The following ARHGEF10L variants were observed in gnomAD, a reference collection of about 807,000 sequenced individuals.
ARHGEF10L encodes the protein rho guanine nucleotide exchange factor 10-like protein.
In ARHGEF10L, 69 loss-of-function variants were observed where a neutral mutation model predicts 141.2. The observed-to-expected ratio is 0.49, with a 90% CI of 0.40 to 0.60. The LOEUF (loss-of-function observed/expected upper bound fraction) is 0.60. Among genes scored for constraint, ARHGEF10L ranks in the 20% least tolerant of loss-of-function variants. ARHGEF10L has a pLI of 0.00. For missense variants in ARHGEF10L, 1,482 were observed against 1,734.3 expected, an observed-to-expected ratio of 0.85 and a Z score of 2.58; for synonymous variants, 711 against 718.5, an observed-to-expected ratio of 0.99 and a Z score of 0.17.
At chr1:17,525,304 G>A in the ARHGEF10L span, among the ~76,000 whole-genome samples, 6 of 152,182 alleles carry the variant, frequency 3.9e-5, no homozygotes, top group African/African-American at 1.4e-4. Context: ...ATAAGCATCC[G>A]TTCTATCTGA....
chr1:17,603,129 C>T lies in ARHGEF10L; in HGVS notation c.350-379C>T, dbSNP rs1255510609. ...TGGTTTTCCAAGTCCTAGCACTGCTCAGTGACGAGGGTCTAGCCCCGGGGT... is the reference window on the plus strand; with the variant it reads ...TGGTTTTCCAAGTCCTAGCACTGCTTAGTGACGAGGGTCTAGCCCCGGGGT... On this transcript the variant is annotated intron_variant, in intron 5 of 28. Transcript: ENST00000361221. This position sits in a 1 kb window ranked among gnomAD's most constrained non-coding sequence, Gnocchi z 4.8. Among the ~76,000 whole-genome samples, 1 of 152,074 alleles carries T rather than the reference C, an allele frequency of 6.6e-6. No individual in the cohort carries two copies. Among genetic ancestry groups the T allele is most frequent in the Admixed American group, 6.5e-5 (1 of 15,276 alleles).
At chr1:17,536,616 C>A (rs1473850021), upstream of ARHGEF10L, among the ~76,000 whole-genome samples, 1 of 152,146 alleles carries the variant, frequency 6.6e-6, no homozygotes. Flanking sequence ...ATTTATTTTC[C>A]AGCATATGTT....
rs117733707 is a variant in ARHGEF10L, at chr1:17,567,021, C to G, written c.-43-13532C>G. Among the ~76,000 whole-genome samples the G allele has an allele frequency of 6.2e-3, 944 of 152,346 alleles. 27 individuals carry two copies. The East Asian group carries it at 0.085, about 14-fold the overall frequency. On this transcript the variant is annotated intron_variant, in intron 1 of 28. Transcript: ENST00000361221. ...TGTGGAAGATGTGACTGCCATCACT[C>G]TCTTCCTGCTTTGCACCCTGATCTG... is the stretch of plus-strand genomic sequence containing the variant.
chr1:17,627,780 C>T lies in ARHGEF10L; in HGVS notation c.1584+277C>T, dbSNP rs2060466843. ...CAAAGCCTAGTTAAATGAACAGGCT[C>T]TGGAGAGTCAGAATCTGGGTTTAGA... is the stretch of plus-strand genomic sequence containing the variant. On this transcript the variant is annotated intron_variant, in intron 15 of 28. Coordinates refer to ENST00000361221, the MANE Select transcript of ARHGEF10L (RefSeq NM_018125.4). The surrounding 1 kb of genome is among the most constrained non-coding windows in gnomAD (Gnocchi z 4.0). 6.6e-6 allele frequency among the ~76,000 whole-genome samples: 1 copy of T among 152,186 alleles called. No individual in the cohort carries two copies. The highest frequency in any genetic ancestry group is 1.5e-5 in the Non-Finnish European group (1 of 68,028).
intron 28 of ARHGEF10L, among the ~76,000 whole-genome samples, chr1:17,696,212 C>CAAAA (rs33980606): frequency 9.4e-5 from 12 of 127,106 alleles, no homozygotes; most frequent in African/African-American, 2.7e-4. Context: ...GACACCATCT[C>CAAAA]AAAAAAAAAA....
chr1:17,600,237 C>T (rs549209193), intron 4 of ARHGEF10L, among the ~76,000 whole-genome samples: 118 of 152,320 alleles, frequency 7.7e-4, no homozygotes, highest in African/African-American at 2.5e-3. Flanking sequence ...GATCCCTCCT[C>T]GCAGCCTCCT....
chr1:17,573,590 G>A lies in ARHGEF10L; in HGVS notation c.-43-6963G>A, dbSNP rs532491589. ...GGGGGCTGGGAGGGAAGGAGGAAGA[G>A]CAGGAGGAGGAGGTAGAGGAGGGGG... On this transcript the variant is annotated intron_variant, in intron 1 of 28. Coordinates refer to ENST00000361221, the MANE Select transcript of ARHGEF10L (RefSeq NM_018125.4). This position sits in a 1 kb window ranked among gnomAD's most constrained non-coding sequence, Gnocchi z 4.8. Among the ~76,000 whole-genome samples, 5 of 152,276 alleles carry A rather than the reference G, an allele frequency of 3.3e-5. No homozygotes were observed. Among genetic ancestry groups the A allele is most frequent in the African/African-American group, 1.2e-4 (5 of 41,556 alleles).
At chr1:17,690,951 GA>G (rs1277661407) in intron 27 of ARHGEF10L, among the ~76,000 whole-genome samples, 2 of 152,200 alleles carry the variant, frequency 1.3e-5, no homozygotes, top group Non-Finnish European at 2.9e-5. Context: ...ACCAGCAAAT[GA>G]AATAATTGCA....
chr1:17,557,809 C>T (rs1031271191), intron 1 of ARHGEF10L, among the ~76,000 whole-genome samples: 5 of 152,076 alleles, frequency 3.3e-5, no homozygotes, highest in Non-Finnish European at 5.9e-5. Context: ...AGGAGACAGA[C>T]GGTGATTACA....
intron 26 of ARHGEF10L, among the ~76,000 whole-genome samples, chr1:17,671,375 A>G (rs752322975): frequency 6.6e-5 from 10 of 152,176 alleles, no homozygotes; most frequent in Non-Finnish European, 1.3e-4. Context: ...GCTTGTCCAG[A>G]GGGTCTGTGG....
intron 1 of ARHGEF10L, among the ~76,000 whole-genome samples, chr1:17,562,436 G>A (rs2077579577): frequency 6.6e-6 from 1 of 152,030 alleles, no homozygotes; most frequent in Non-Finnish European, 1.5e-5. Context: ...AACAAAAAGA[G>A]TGGGGAGTCA....
At chr1:17,546,729 TC>T (rs2076929517) in intron 1 of ARHGEF10L, among the ~76,000 whole-genome samples, 1 of 152,140 alleles carries the variant, frequency 6.6e-6, no homozygotes, top group South Asian at 2.1e-4. Flanking sequence ...CAAGGCCCAG[TC>T]TGGTCATAGC....
chr1:17,535,199 C>T (rs563485378), upstream of ARHGEF10L, among the ~76,000 whole-genome samples: 8 of 152,218 alleles, frequency 5.3e-5, no homozygotes, highest in East Asian at 5.8e-4. Context: ...TCATAAGGGG[C>T]GCGCAGTCTA....
chr1:17,610,368 C>T (rs1320015845), intron 7 of ARHGEF10L, among the ~76,000 whole-genome samples: 1 of 152,186 alleles, frequency 6.6e-6, no homozygotes, highest in Non-Finnish European at 1.5e-5. Flanking sequence ...GCTCGTGTCC[C>T]TCACACTCTC....
intron 4 of ARHGEF10L, among the ~76,000 whole-genome samples, chr1:17,588,924 A>T (rs996884622): frequency 0.019 from 9 of 462 alleles, no homozygotes; most frequent in Admixed American, 0.04. Flanking sequence ...GGGGGGTTTG[A>T]GGGTGGGGGG....
the ARHGEF10L span, among the ~76,000 whole-genome samples, chr1:17,516,410 G>GC: frequency 1.3e-5 from 2 of 152,340 alleles, no homozygotes; most frequent in South Asian, 4.1e-4. Context: ...CCTCTACAGG[G>GC]CCAGAGAGGA....
chr1:17,524,502 G>A, the ARHGEF10L span, among the ~76,000 whole-genome samples: 2 of 151,788 alleles, frequency 1.3e-5, no homozygotes, highest in Non-Finnish European at 2.9e-5. Context: ...AGCCCAGGAG[G>A]TCGAGGCTGC....
At chr1:17,599,064 T>C (rs75348077) in intron 4 of ARHGEF10L, among the ~76,000 whole-genome samples, 32,133 of 151,990 alleles carry the variant, frequency 0.21, 4,450 homozygotes, top group African/African-American at 0.39. Flanking sequence ...AATGTGCAGG[T>C]CGGGCTTGTA....
At chr1:17,608,429 T>C (rs2081371906) in intron 7 of ARHGEF10L, among the ~76,000 whole-genome samples, 1 of 152,234 alleles carries the variant, frequency 6.6e-6, no homozygotes, top group Non-Finnish European at 1.5e-5. Flanking sequence ...CAGTCCTCTC[T>C]GCTCTGGGGC....
Sources: allele counts gnomAD v4.1 joint callset (sites outside exome capture counted in the v4.1 genomes callset), GRCh38; gene constraint gnomAD v4.1.1; non-coding constraint Gnocchi (gnomAD v3.1); transcripts MANE v1.5; gene names NCBI Gene and HGNC (gene_info 2026-07-23, HGNC 2026-07-21).